MAP1B: variants seen among roughly 807,000 people sequenced by gnomAD.
MAP1B encodes microtubule associated protein 1B.
MAP1B carries 12 observed loss-of-function variants against 176.1 expected under a neutral mutation model. The ratio of observed to expected loss-of-function variants is 0.07; its 90% CI spans 0.04 to 0.11. The LOEUF is 0.11. Among genes scored for constraint, MAP1B ranks in the 10% least tolerant of loss-of-function variants. The pLI is 1.00. For missense variants in MAP1B, 2,523 were observed against 2,990.5 expected (o/e 0.84, Z 3.65); for synonymous variants, 1,044 against 1,135.0 (o/e 0.92, Z 1.61).
At chr5:72,121,617 C>T (rs1364362120) in intron 2 of MAP1B, among the ~76,000 whole-genome samples, 1 of 152,150 alleles carries the variant, frequency 6.6e-6, no homozygotes, top group African/African-American at 2.4e-5. Context: ...AATCTTCTCC[C>T]TTTGACATTA....
At chr5:72,107,746 G>A (rs1341478573) in intron 1 of MAP1B, 31 bp downstream of exon 1, 1 of 1,594,666 alleles carries the variant, frequency 6.3e-7, no homozygotes, top group Non-Finnish European at 8.5e-7. Flanking sequence ...AGAGACGCGC[G>A]CTGGGAGACG....
intron 1 of MAP1B, among the ~76,000 whole-genome samples, chr5:72,108,855 G>T (rs999818102): frequency 2.0e-5 from 3 of 152,176 alleles, no homozygotes; most frequent in Non-Finnish European, 1.5e-5. Context: ...TATCCCTGGC[G>T]TCCCGGCCCT....
At chr5:72,152,628 G>A (rs977103049) in intron 2 of MAP1B, among the ~76,000 whole-genome samples, 11 of 152,132 alleles carry the variant, frequency 7.2e-5, no homozygotes, top group Admixed American at 2.0e-4. Flanking sequence ...TGTATTTTTA[G>A]TAGAGATGGG....
intron 2 of MAP1B, among the ~76,000 whole-genome samples, chr5:72,117,518 A>G (rs775604679): frequency 2.0e-5 from 3 of 152,240 alleles, no homozygotes; most frequent in Non-Finnish European, 4.4e-5. Context: ...GGCTGCAAGC[A>G]TTGCTGAAGA....
chr5:72,161,881 C>T (rs530781052), intron 2 of MAP1B, among the ~76,000 whole-genome samples: 7 of 146,690 alleles, frequency 4.8e-5, no homozygotes, highest in Non-Finnish European at 7.4e-5. Context: ...TGCTTGAACC[C>T]GGGAGGCGGA....
Position 72,198,181 on chromosome 5 carries a change from C to A in MAP1B, c.4826C>A (p.Ser1609Tyr). 6.2e-7 allele frequency: 1 copy of A among 1,614,222 alleles called. No homozygotes were observed. Among genetic ancestry groups the A allele is most frequent in the Non-Finnish European group, 8.5e-7 (1 of 1,180,042 alleles). Residue 1609 changes from serine (S) to tyrosine (Y), a missense_variant, in exon 5 of 7, where the codon TCT becomes TAT. Transcript: ENST00000296755. The stretch of plus-strand genomic sequence containing the variant: ...TTCCAGGAAACAGAAATGTCTCCAT[C>A]TAAAGAAGAATGCCCAAGACCGATG... ...TTFQETEMSP[S>Y]KEECPRPMSI...
intron 4 of MAP1B, among the ~76,000 whole-genome samples, chr5:72,190,785 T>TA (rs1474887426): frequency 6.6e-6 from 1 of 152,204 alleles, no homozygotes; most frequent in Non-Finnish European, 1.5e-5. Flanking sequence ...GGGGTCCTAT[T>TA]AAATGTCTGG....
intron 1 of MAP1B, among the ~76,000 whole-genome samples, chr5:72,108,156 C>T (rs1745157312): frequency 6.6e-6 from 1 of 152,228 alleles, no homozygotes; most frequent in Admixed American, 6.5e-5. Flanking sequence ...GCCCATGTGC[C>T]AGGGCCCGCG....
rs1745463298 is a variant in MAP1B, at chr5:72,117,986, G to A, written c.286+2187G>A. On this transcript the variant is annotated intron_variant, in intron 2 of 6. Coordinates refer to ENST00000296755, the MANE Select transcript of MAP1B (RefSeq NM_005909.5). ...AGATGTTAGAGGATAAGAAGACATG[G>A]AGATCACAGGATGATCACTGGATTG... is the stretch of plus-strand genomic sequence containing the variant. 2.0e-5 allele frequency among the ~76,000 whole-genome samples: 3 copies of A among 152,300 alleles called. No homozygotes were observed. The East Asian group carries it at 5.8e-4, about 29-fold the overall frequency.
At position 72,205,288 on chromosome 5, in the gene MAP1B, T is replaced by A; in HGVS notation, c.*49T>A. 1 of 1,560,308 alleles carries A rather than the reference T, an allele frequency of 6.4e-7. No individual in the cohort carries two copies. Among genetic ancestry groups the A allele is most frequent in the Middle Eastern group, 1.7e-4 (1 of 5,796 alleles). On this transcript the variant is annotated 3_prime_UTR_variant, in exon 7 of 7. Coordinates refer to ENST00000296755, the MANE Select transcript of MAP1B (RefSeq NM_005909.5). ...GGATCTGAACTTTGTTTCCAGAAAT[T>A]CTTCAATTTGAAATCACCTTTTCTA... is the stretch of plus-strand genomic sequence containing the variant.
chr5:72,178,304 G>A (rs1050325983), intron 2 of MAP1B, among the ~76,000 whole-genome samples: 1 of 152,200 alleles, frequency 6.6e-6, no homozygotes, highest in African/African-American at 2.4e-5. Context: ...TGCCTGGCCT[G>A]AAAAACAGAC....
At chr5:72,136,444 C>T (rs1745838470) in intron 2 of MAP1B, among the ~76,000 whole-genome samples, 1 of 152,140 alleles carries the variant, frequency 6.6e-6, no homozygotes, top group African/African-American at 2.4e-5. Flanking sequence ...CCCAGGGCCT[C>T]AATTGTGTCC....
intron 2 of MAP1B, among the ~76,000 whole-genome samples, chr5:72,182,171 C>T (rs957509465): frequency 7.9e-5 from 12 of 151,890 alleles, no homozygotes; most frequent in African/African-American, 2.9e-4. Flanking sequence ...GCCTTCATCA[C>T]CTCTATTTTA....
chr5:72,175,856 A>G (rs912640967), intron 2 of MAP1B, among the ~76,000 whole-genome samples: 4 of 152,234 alleles, frequency 2.6e-5, no homozygotes, highest in Non-Finnish European at 5.9e-5. Flanking sequence ...AATTCCCTGT[A>G]ACACAAAAGA....
chr5:72,163,930 C>CTTTTTTTTTTTTTTTTTTTT (rs869167918), intron 2 of MAP1B, among the ~76,000 whole-genome samples: 5 of 43,716 alleles, frequency 1.1e-4, no homozygotes, highest in African/African-American at 2.3e-4. Flanking sequence ...TTTTTTTTTT[C>CTTTTTTTTTTTTTTTTTTTT]TTTTTTTTTT....
At chr5:72,164,990 A>G (rs1293476238) in intron 2 of MAP1B, among the ~76,000 whole-genome samples, 2 of 151,924 alleles carry the variant, frequency 1.3e-5, no homozygotes, top group African/African-American at 4.8e-5. Context: ...GCAATTGGAC[A>G]TATATGTCTT....
intron 2 of MAP1B, among the ~76,000 whole-genome samples, chr5:72,149,011 T>C (rs1746094502): frequency 6.6e-6 from 1 of 152,222 alleles, no homozygotes; most frequent in Non-Finnish European, 1.5e-5. Flanking sequence ...ACCCTGCAGC[T>C]TGTGATTATC....
intron 1 of MAP1B, among the ~76,000 whole-genome samples, chr5:72,108,549 A>G (rs1361775593): frequency 6.6e-6 from 1 of 152,166 alleles, no homozygotes; most frequent in Non-Finnish European, 1.5e-5. Flanking sequence ...CGCTCTGCGG[A>G]GGCCGAATAG....
intron 5 of MAP1B, among the ~76,000 whole-genome samples, chr5:72,201,215 T>C (rs1747328670): frequency 7.4e-6 from 1 of 135,856 alleles, no homozygotes; most frequent in Non-Finnish European, 1.6e-5. Context: ...AAAAAAAATG[T>C]TTTTTAATTA....
Sources: gnomAD v4.1 joint callset for allele counts (sites outside exome capture counted in the v4.1 genomes callset) on GRCh38, gnomAD v4.1.1 for gene constraint, MANE v1.5 for transcripts, NCBI Gene and HGNC (gene_info 2026-07-23, HGNC 2026-07-21) for gene names.